RIC1: variants seen among roughly 807,000 people sequenced by gnomAD.
The protein encoded by RIC1 is guanine nucleotide exchange factor subunit RIC1.
Under a neutral mutation model 169.0 loss-of-function variants are expected in RIC1, and 88 were observed. The ratio of observed to expected loss-of-function variants is 0.52; its 90% CI spans 0.44 to 0.62. The LOEUF is 0.62. RIC1 is among the 20% of genes least tolerant of loss of function. The probability of loss-of-function intolerance (pLI) is 0.00; values close to 1 mark genes in which losing one functional copy is unlikely to be tolerated. For synonymous variants in RIC1, 790 were observed against 601.5 expected, an observed-to-expected ratio of 1.31 and a Z score of -4.59; for missense variants, 1,877 against 1,725.5, an observed-to-expected ratio of 1.09 and a Z score of -1.56.
chr9:5,687,032 G>C (rs1276824886), intron 2 of RIC1, among the ~76,000 whole-genome samples: 1 of 152,154 alleles, frequency 6.6e-6, no homozygotes, highest in Non-Finnish European at 1.5e-5. Flanking sequence ...AACAGACATT[G>C]GCTTTTCAGG....
chr9:5,778,020 C>T (rs148569719), downstream of RIC1, among the ~76,000 whole-genome samples: 42 of 152,254 alleles, frequency 2.8e-4, no homozygotes, highest in African/African-American at 7.5e-4. Context: ...TTTTCATAAG[C>T]GTTGTATTCA....
chr9:5,772,431 T>G (rs1382536677), intron 23 of RIC1, 133 bp from the exon 24 acceptor site: 2 of 666,308 alleles, frequency 3.0e-6, no homozygotes, highest in Non-Finnish European at 4.9e-6. Context: ...CATGGTAATT[T>G]TAGCCATGGA....
intron 2 of RIC1, among the ~76,000 whole-genome samples, chr9:5,681,461 G>C (rs1180489945): frequency 1.3e-5 from 2 of 152,178 alleles, no homozygotes; most frequent in Non-Finnish European, 2.9e-5. Context: ...TTTTGAGTGA[G>C]TTTCTTAATC....
chr9:5,700,530 A>G (rs2130768487), intron 3 of RIC1, among the ~76,000 whole-genome samples: 1 of 152,044 alleles, frequency 6.6e-6, no homozygotes, highest in Non-Finnish European at 1.5e-5. Flanking sequence ...CAACACTTTT[A>G]GAGGGGAATC....
At chr9:5,689,891 A>T in intron 2 of RIC1, 68 bp from the exon 3 acceptor site, 1 of 1,083,552 alleles carries the variant, frequency 9.2e-7, no homozygotes, top group Non-Finnish European at 1.3e-6. Context: ...GAATTTATAA[A>T]ATTAAAATTC....
chr9:5,643,479 G>GC (rs993658524), intron 1 of RIC1, among the ~76,000 whole-genome samples: 3 of 152,046 alleles, frequency 2.0e-5, no homozygotes, highest in African/African-American at 7.2e-5. Context: ...TGGCAACCCA[G>GC]CCAGGATGAC....
intron 2 of RIC1, among the ~76,000 whole-genome samples, chr9:5,670,848 A>T (rs566618825): frequency 6.6e-6 from 1 of 152,118 alleles, no homozygotes; most frequent in Non-Finnish European, 1.5e-5. Flanking sequence ...TTTCAAGGAT[A>T]GTTTGGTGGG....
At chr9:5,717,531 A>G (rs952487408) in intron 4 of RIC1, among the ~76,000 whole-genome samples, 3 of 152,174 alleles carry the variant, frequency 2.0e-5, no homozygotes, top group Non-Finnish European at 4.4e-5. Flanking sequence ...AAATGGGGTC[A>G]GTGTTCCAAA....
chr9:5,692,821 AC>A (rs1436538150), intron 3 of RIC1, among the ~76,000 whole-genome samples: 2 of 151,880 alleles, frequency 1.3e-5, no homozygotes, highest in Non-Finnish European at 2.9e-5. Context: ...GCCATTATAA[AC>A]CCTTCTGTAG....
At chr9:5,648,825 G>T (rs1159211135) in intron 1 of RIC1, among the ~76,000 whole-genome samples, 3 of 152,102 alleles carry the variant, frequency 2.0e-5, no homozygotes. Context: ...AAATGTTTAT[G>T]TCTTTTGCCC....
intron 23 of RIC1, among the ~76,000 whole-genome samples, chr9:5,771,194 A>C (rs1204082527): frequency 6.6e-5 from 10 of 152,200 alleles, no homozygotes; most frequent in Non-Finnish European, 1.5e-4. Flanking sequence ...AACTCTGTAT[A>C]TGTTACTTAA....
chr9:5,629,217 C>A lies in RIC1; in HGVS notation c.-93C>A. 1 of 1,233,912 alleles carries A rather than the reference C, an allele frequency of 8.1e-7. No homozygotes were observed. Among genetic ancestry groups the A allele is most frequent in the Non-Finnish European group, 1.0e-6 (1 of 975,466 alleles). 76.4% of individuals were successfully genotyped at this position (1,233,912 alleles called of 1,614,324 possible). On this transcript the variant is annotated 5_prime_UTR_variant, in exon 1 of 26. Transcript: ENST00000414202. ...GAGCTGCCGCCGCCGCCGCCGCCGACTCGGCCGGTGGCGGTGTGGGAGGTG... is the reference window on the plus strand; with the variant it reads ...GAGCTGCCGCCGCCGCCGCCGCCGAATCGGCCGGTGGCGGTGTGGGAGGTG...
At chr9:5,740,502 A>G (rs1182663236) in intron 8 of RIC1, among the ~76,000 whole-genome samples, 1 of 151,896 alleles carries the variant, frequency 6.6e-6, no homozygotes, top group Non-Finnish European at 1.5e-5. Context: ...AAGTATTAAT[A>G]AATGATCACA....
chr9:5,629,193 A>AGCT lies in RIC1; in HGVS notation c.-114_-112dup. On this transcript the variant is annotated 5_prime_UTR_variant, in exon 1 of 26. Transcript: ENST00000414202. ...GCCAGGCCAGCGGGCAGATGCCCCG[A>AGCT]GCTGCCGCCGCCGCCGCCGCCGACT... The AGCT allele has an allele frequency of 4.6e-6, 5 of 1,087,710 alleles. No individual in the cohort carries two copies. The highest frequency in any genetic ancestry group is 5.9e-6 in the Non-Finnish European group (5 of 844,092). The allele number at this position is 1,087,710 out of a possible 1,614,324, so 67.4% of individuals were successfully genotyped here.
chr9:5,753,332 A>G (rs1426434974), intron 13 of RIC1, 94 bp downstream of exon 13: 1 of 1,124,578 alleles, frequency 8.9e-7, no homozygotes, highest in African/African-American at 1.5e-5. Context: ...GTACTGAGAA[A>G]AATAAAACTC....
intron 3 of RIC1, among the ~76,000 whole-genome samples, chr9:5,698,868 A>G (rs1226312881): frequency 1.3e-5 from 2 of 152,184 alleles, no homozygotes; most frequent in East Asian, 1.9e-4. Context: ...AAGTGTTTAA[A>G]AAAGAAGGGG....
Position 5,691,570 on chromosome 9 carries a change from T to G in RIC1, c.332+1532T>G, listed in dbSNP as rs536277296. ...AATATAGTGCAAAATGATAGGAACA[T>G]CATGATGTATTTAGAAATTTTAAAT... On this transcript the variant is annotated intron_variant, in intron 3 of 25. Transcript: ENST00000414202. 3.9e-5 allele frequency among the ~76,000 whole-genome samples: 6 copies of G among 152,022 alleles called. No individual in the cohort carries two copies. In the South Asian group the frequency reaches 1.2e-3, roughly 32 times the overall value.
At chr9:5,655,656 ATT>A (rs1205437760) in intron 1 of RIC1, among the ~76,000 whole-genome samples, 1 of 152,106 alleles carries the variant, frequency 6.6e-6, no homozygotes, top group Non-Finnish European at 1.5e-5. Context: ...TTCTGTGTTT[ATT>A]GAAATAATCA....
At chr9:5,646,465 A>G (rs1003934746) in intron 1 of RIC1, among the ~76,000 whole-genome samples, 1 of 152,212 alleles carries the variant, frequency 6.6e-6, no homozygotes, top group South Asian at 2.1e-4. Context: ...GAAATTTTAT[A>G]TAGTGTAATG....
Sources: gnomAD v4.1 joint callset for allele counts (sites outside exome capture counted in the v4.1 genomes callset) on GRCh38, gnomAD v4.1.1 for gene constraint, MANE v1.5 for transcripts, NCBI Gene and HGNC (gene_info 2026-07-23, HGNC 2026-07-21) for gene names.